SLC14A2: variants seen among roughly 807,000 people sequenced by gnomAD.
SLC14A2 encodes the protein solute carrier family 14 member 2, also known as urea transporter 2.
In SLC14A2, 91 loss-of-function variants were observed where a neutral mutation model predicts 104.6. The observed-to-expected ratio is 0.87, with a 90% CI of 0.73 to 1.04. The LOEUF is 1.04. SLC14A2 is among the 50% of genes least tolerant of loss of function. The probability of loss-of-function intolerance (pLI) is 0.00; values close to 1 mark genes in which losing one functional copy is unlikely to be tolerated. For synonymous variants in SLC14A2, 476 were observed against 466.4 expected, an observed-to-expected ratio of 1.02 and a Z score of -0.27; for missense variants, 1,189 against 1,156.0, an observed-to-expected ratio of 1.03 and a Z score of -0.41.
chr18:45,641,870 A>G (rs2045534422), intron 8 of SLC14A2, among the ~76,000 whole-genome samples: 1 of 152,240 alleles, frequency 6.6e-6, no homozygotes, highest in South Asian at 2.1e-4. Context: ...CGATTTCCAT[A>G]AACAGAGAAT....
At chr18:45,246,658 C>T (rs559038423) in intron 1 of SLC14A2, among the ~76,000 whole-genome samples, 21 of 152,094 alleles carry the variant, frequency 1.4e-4, no homozygotes, top group East Asian at 5.9e-4. Flanking sequence ...CTGCAACCTC[C>T]GCCTCCCGGG....
intron 1 of SLC14A2, among the ~76,000 whole-genome samples, chr18:45,228,100 G>T (rs939357555): frequency 6.6e-6 from 1 of 152,154 alleles, no homozygotes; most frequent in Non-Finnish European, 1.5e-5. Context: ...ATCTTCCATT[G>T]ATTAAAGGGA....
intron 1 of SLC14A2, among the ~76,000 whole-genome samples, chr18:45,380,760 A>G (rs1413349251): frequency 6.6e-6 from 1 of 152,350 alleles, no homozygotes; most frequent in South Asian, 2.1e-4. Context: ...TAGGAGAGTA[A>G]CATGGCCTAG....
the SLC14A2 span, among the ~76,000 whole-genome samples, chr18:45,194,388 A>C: frequency 4.0e-3 from 603 of 152,302 alleles, 4 homozygotes; most frequent in African/African-American, 0.012. Flanking sequence ...AATTTATGAC[A>C]GTTATCGGAA....
chr18:45,678,864 A>G, intron 18 of SLC14A2, 111 bp from the exon 19 acceptor site: 1 of 999,282 alleles, frequency 1.0e-6, no homozygotes. Context: ...AAAAAATCTT[A>G]GAGATAGCAT....
At chr18:45,561,650 G>A (rs1177012433) in intron 2 of SLC14A2, among the ~76,000 whole-genome samples, 1 of 152,082 alleles carries the variant, frequency 6.6e-6, no homozygotes, top group African/African-American at 2.4e-5. Context: ...ATATTCAGAA[G>A]GAATTAAAAA....
At chr18:45,553,186 T>A (rs2044080017) in intron 2 of SLC14A2, among the ~76,000 whole-genome samples, 1 of 152,234 alleles carries the variant, frequency 6.6e-6, no homozygotes, top group Admixed American at 6.5e-5. Flanking sequence ...ATTTGTGGAT[T>A]GGGCAAACAC....
intron 1 of SLC14A2, among the ~76,000 whole-genome samples, chr18:45,428,531 T>G (rs1403009079): frequency 6.6e-6 from 1 of 151,974 alleles, no homozygotes. Context: ...GGAAGGGAAA[T>G]CCTTGAGGAC....
chr18:45,251,076 G>C (rs915757964), intron 1 of SLC14A2, among the ~76,000 whole-genome samples: 1 of 151,928 alleles, frequency 6.6e-6, no homozygotes, highest in Non-Finnish European at 1.5e-5. Flanking sequence ...AAAGTATTTG[G>C]TTACATAAGT....
At chr18:45,210,576 T>G (rs1181371451), upstream of SLC14A2, among the ~76,000 whole-genome samples, 1 of 152,194 alleles carries the variant, frequency 6.6e-6, no homozygotes, top group Non-Finnish European at 1.5e-5. Flanking sequence ...AATGCTGTTT[T>G]GAAAGAAAGT....
chr18:45,281,043 C>T (rs16978324), intron 1 of SLC14A2, among the ~76,000 whole-genome samples: 15,686 of 152,132 alleles, frequency 0.1, 1,831 homozygotes, highest in African/African-American at 0.27. Flanking sequence ...GGCGCTGTCC[C>T]TTGAACATCA....
intron 2 of SLC14A2, among the ~76,000 whole-genome samples, chr18:45,499,786 G>A (rs370799891): frequency 1.4e-4 from 21 of 152,304 alleles, no homozygotes; most frequent in African/African-American, 4.1e-4. Context: ...TTGTAGACTG[G>A]AGATGATCAT....
intron 4 of SLC14A2, among the ~76,000 whole-genome samples, chr18:45,628,166 CT>C (rs2045290598): frequency 6.6e-6 from 1 of 152,100 alleles, no homozygotes; most frequent in Admixed American, 6.5e-5. Context: ...TAGTTTCAGG[CT>C]GGGCATGGTG....
chr18:45,233,300 A>C (rs2084193201), intron 1 of SLC14A2, among the ~76,000 whole-genome samples: 1 of 152,176 alleles, frequency 6.6e-6, no homozygotes. Context: ...ATCTGTGCTC[A>C]CATAACTAAC....
In SLC14A2 at chr18:45,280,913, C is replaced by T. The variant is rs1471086228; in HGVS notation, c.-125+67722C>T. Among the ~76,000 whole-genome samples, 4 of 152,106 alleles carry T rather than the reference C, an allele frequency of 2.6e-5. No homozygotes were observed. The South Asian group carries it at 8.3e-4, about 32-fold the overall frequency. ...CATCGCTGTGCCTTTATCTTTCCTTCCTTTCTCTCTCCTCCCTCCACTTCG... is the reference window on the plus strand; with the variant it reads ...CATCGCTGTGCCTTTATCTTTCCTTTCTTTCTCTCTCCTCCCTCCACTTCG... On this transcript the variant is annotated intron_variant, in intron 1 of 20. Transcript: ENST00000586448.
intron 1 of SLC14A2, among the ~76,000 whole-genome samples, chr18:45,477,951 A>G (rs1410916077): frequency 6.6e-6 from 1 of 152,180 alleles, no homozygotes; most frequent in African/African-American, 2.4e-5. Flanking sequence ...GACCTAGACC[A>G]CTTGGCTCCC....
chr18:45,188,729 T>C, the SLC14A2 span, among the ~76,000 whole-genome samples: 4 of 152,208 alleles, frequency 2.6e-5, no homozygotes, highest in African/African-American at 9.6e-5. Flanking sequence ...TTTCTTTCCT[T>C]GCCCAATCAA....
chr18:45,534,018 T>G (rs371551114), intron 2 of SLC14A2, among the ~76,000 whole-genome samples: 1 of 152,188 alleles, frequency 6.6e-6, no homozygotes, highest in African/African-American at 2.4e-5. Context: ...CAAAAAACCT[T>G]GTTTAGGGTT....
At chr18:45,263,408 C>T (rs9954874) in intron 1 of SLC14A2, among the ~76,000 whole-genome samples, 106,409 of 152,050 alleles carry the variant, frequency 0.7, 39,161 homozygotes, top group East Asian at 0.97. Context: ...TGGTGTTTGC[C>T]GAGTTGCTCC....
Sources: allele counts gnomAD v4.1 joint callset (sites outside exome capture counted in the v4.1 genomes callset), GRCh38; gene constraint gnomAD v4.1.1; transcripts MANE v1.5; gene names NCBI Gene and HGNC (gene_info 2026-07-23, HGNC 2026-07-21).